Variants in CHCHD3 observed in about 807,000 individuals in gnomAD.
The protein encoded by CHCHD3 is MICOS complex subunit MIC19.
A neutral mutation model predicts 38.2 loss-of-function variants in CHCHD3; 20 were observed. The observed-to-expected ratio is 0.52, with a 90% CI of 0.37 to 0.76. The LOEUF (loss-of-function observed/expected upper bound fraction) is 0.76. Ranked by LOEUF, CHCHD3 falls within the 30% of genes least tolerant of loss-of-function variation. CHCHD3 has a pLI of 0.00. For missense variants in CHCHD3, 245 were observed against 279.2 expected (o/e 0.88, Z 0.87); for synonymous variants, 82 against 100.0 (o/e 0.82, Z 1.07).
At chr7:132,973,243 G>A (rs1439887630) in intron 4 of CHCHD3, 1 of 985,238 alleles carries the variant, frequency 1.0e-6, no homozygotes, top group Non-Finnish European at 1.2e-6. Flanking sequence ...TGCCAACCAA[G>A]GTATTCTTCT....
chr7:132,809,137 T>G (rs1362616762), intron 6 of CHCHD3, among the ~76,000 whole-genome samples: 2 of 150,988 alleles, frequency 1.3e-5, no homozygotes, highest in African/African-American at 2.4e-5. Flanking sequence ...TTTTTTTTTT[T>G]TTTTGCTGAG....
At chr7:132,858,125 C>A (rs772335363) in intron 5 of CHCHD3, among the ~76,000 whole-genome samples, 1 of 152,006 alleles carries the variant, frequency 6.6e-6, no homozygotes, top group Non-Finnish European at 1.5e-5. Flanking sequence ...TGCAGTGGTA[C>A]GATCTCAGCT....
chr7:132,973,235 C>T, intron 4 of CHCHD3: 2 of 985,314 alleles, frequency 2.0e-6, no homozygotes, highest in Non-Finnish European at 2.4e-6. Context: ...AAGAGAAATG[C>T]CAACCAAGGT....
chr7:132,896,543 C>A (rs537789197), intron 4 of CHCHD3, among the ~76,000 whole-genome samples: 1 of 152,254 alleles, frequency 6.6e-6, no homozygotes, highest in East Asian at 1.9e-4. Context: ...CGCCCAACAT[C>A]CATTTAAAAC....
intron 6 of CHCHD3, among the ~76,000 whole-genome samples, chr7:132,833,269 TGAGAA>T (rs2117087346): frequency 6.6e-6 from 1 of 152,294 alleles, no homozygotes; most frequent in African/African-American, 2.4e-5. Context: ...TTAGTTGGAT[TGAGAA>T]AAGAAAAGGT....
intron 1 of CHCHD3, among the ~76,000 whole-genome samples, chr7:133,075,479 C>T (rs992768387): frequency 2.0e-5 from 3 of 152,132 alleles, no homozygotes; most frequent in African/African-American, 7.2e-5. Flanking sequence ...CTCATAGCGA[C>T]GTAGATATGA....
chr7:132,813,217 T>C (rs184240480), intron 6 of CHCHD3, among the ~76,000 whole-genome samples: 1 of 152,292 alleles, frequency 6.6e-6, no homozygotes, highest in Non-Finnish European at 1.5e-5. Context: ...AGTGTATATG[T>C]GGGGGAACAA....
intron 1 of CHCHD3, among the ~76,000 whole-genome samples, chr7:133,079,703 G>T (rs1815113406): frequency 6.6e-6 from 1 of 152,160 alleles, no homozygotes; most frequent in South Asian, 2.1e-4. Context: ...CTTAATTCAA[G>T]CCAAGAAAAA....
chr7:133,028,153 C>T (rs1466704271), intron 2 of CHCHD3, among the ~76,000 whole-genome samples: 1 of 152,042 alleles, frequency 6.6e-6, no homozygotes, highest in Admixed American at 6.5e-5. Flanking sequence ...TTGATCATAC[C>T]AGTTAGTATC....
intron 1 of CHCHD3, among the ~76,000 whole-genome samples, chr7:133,079,877 T>C (rs1465245238): frequency 6.6e-6 from 1 of 152,230 alleles, no homozygotes; most frequent in Non-Finnish European, 1.5e-5. Context: ...ATGACCTCTG[T>C]GTACTCAATA....
intron 6 of CHCHD3, among the ~76,000 whole-genome samples, chr7:132,819,398 C>CT (rs904539116): frequency 2.9e-4 from 44 of 150,422 alleles, no homozygotes; most frequent in Middle Eastern, 3.5e-3. Context: ...AGAAAACGCA[C>CT]TTTTTTTTTT....
intron 5 of CHCHD3, among the ~76,000 whole-genome samples, chr7:132,862,399 A>G (rs1164714614): frequency 6.6e-6 from 1 of 152,236 alleles, no homozygotes; most frequent in Non-Finnish European, 1.5e-5. Flanking sequence ...TCATGTTTAT[A>G]ATACACTGTA....
At chr7:132,865,504 G>A (rs1283421809) in intron 5 of CHCHD3, among the ~76,000 whole-genome samples, 1 of 152,082 alleles carries the variant, frequency 6.6e-6, no homozygotes, top group Non-Finnish European at 1.5e-5. Flanking sequence ...ACAAAAGCAG[G>A]AAAGGGACCA....
chr7:132,912,946 G>A (rs1043113474), intron 4 of CHCHD3, among the ~76,000 whole-genome samples: 2 of 152,178 alleles, frequency 1.3e-5, no homozygotes, highest in Non-Finnish European at 2.9e-5. Context: ...CTATATGTTT[G>A]TTAAATAAAA....
At chr7:132,934,017 T>C (rs1301907960) in intron 4 of CHCHD3, among the ~76,000 whole-genome samples, 2 of 152,220 alleles carry the variant, frequency 1.3e-5, no homozygotes, top group South Asian at 2.1e-4. Context: ...CACCTGATGA[T>C]TTCCACCCTG....
chr7:132,868,897 C>T (rs981651024), intron 5 of CHCHD3, among the ~76,000 whole-genome samples: 4 of 152,076 alleles, frequency 2.6e-5, no homozygotes, highest in Admixed American at 1.3e-4. Flanking sequence ...AGCCTGGTGA[C>T]CCACCCTCAC....
intron 5 of CHCHD3, among the ~76,000 whole-genome samples, chr7:132,873,739 A>G (rs551342042): frequency 6.6e-6 from 1 of 150,732 alleles, no homozygotes; most frequent in African/African-American, 2.4e-5. Context: ...TAGGTTAAAG[A>G]TTGTGGATAA....
chr7:132,896,937 G>T (rs925349324), intron 4 of CHCHD3, among the ~76,000 whole-genome samples: 1 of 152,212 alleles, frequency 6.6e-6, no homozygotes, highest in Admixed American at 6.5e-5. Flanking sequence ...TATGGACTTA[G>T]AGCAGGAAGG....
chr7:132,885,044 G>A lies in CHCHD3; in HGVS notation c.453+618C>T, dbSNP rs569470745. ...AGGGAGGCAGATGACTTGAGGCCAGGAGCTCAAGACCAGCATGGCCAACAT... is the reference window on the plus strand; with the variant it reads ...AGGGAGGCAGATGACTTGAGGCCAGAAGCTCAAGACCAGCATGGCCAACAT... On this transcript the variant is annotated intron_variant, in intron 5 of 7. Transcript: ENST00000262570. 2.4e-4 allele frequency among the ~76,000 whole-genome samples: 37 copies of A among 152,248 alleles called. No individual in the cohort carries two copies. In the East Asian group the frequency reaches 7.2e-3, roughly 29 times the overall value.
Sources: allele counts gnomAD v4.1 joint callset (sites outside exome capture counted in the v4.1 genomes callset), GRCh38; gene constraint gnomAD v4.1.1; transcripts MANE v1.5; gene names NCBI Gene and HGNC (gene_info 2026-07-23, HGNC 2026-07-21).